The following KCNH1 variants were observed in gnomAD, a reference collection of about 807,000 sequenced individuals.
The protein encoded by KCNH1 is potassium voltage-gated channel subfamily H member 1, also known as voltage-gated delayed rectifier potassium channel KCNH1.
In KCNH1, 27 loss-of-function variants were observed where a neutral mutation model predicts 69.2. That is an observed-to-expected ratio of 0.39 (90% CI 0.29 to 0.54). The LOEUF (loss-of-function observed/expected upper bound fraction) is 0.54, where lower values mean the gene tolerates loss of function less well. Ranked by LOEUF, KCNH1 falls within the 20% of genes least tolerant of loss-of-function variation. The pLI, the probability that KCNH1 is intolerant of heterozygous loss-of-function variation, is 0.68. For synonymous variants in KCNH1, 456 were observed against 487.7 expected (o/e 0.93, Z 0.86); for missense variants, 798 against 1,261.6 (o/e 0.63, Z 5.57).
chr1:210,728,593 G>A (rs1457681824), intron 10 of KCNH1, among the ~76,000 whole-genome samples: 1 of 152,194 alleles, frequency 6.6e-6, no homozygotes, highest in Admixed American at 6.5e-5. Context: ...GGGGACTGCT[G>A]GTTTGAGGTA....
intron 1 of KCNH1, among the ~76,000 whole-genome samples, chr1:211,124,816 G>A (rs1691749804): frequency 6.6e-6 from 1 of 152,192 alleles, no homozygotes; most frequent in Non-Finnish European, 1.5e-5. Context: ...GAAGAAAAGA[G>A]TCCCGATTTA....
At chr1:210,748,935 G>T (rs1683222375) in intron 10 of KCNH1, among the ~76,000 whole-genome samples, 1 of 152,102 alleles carries the variant, frequency 6.6e-6, no homozygotes, top group Non-Finnish European at 1.5e-5. Context: ...ACTGCCCCAG[G>T]CTTTGGCCTT....
chr1:210,796,723 C>T (rs1392292349), intron 9 of KCNH1, among the ~76,000 whole-genome samples: 2 of 152,128 alleles, frequency 1.3e-5, no homozygotes, highest in Admixed American at 1.3e-4. Context: ...TCAACTCCAT[C>T]TGCTTCTCTC....
chr1:210,759,156 GAC>G (rs60773247), intron 10 of KCNH1, among the ~76,000 whole-genome samples: 26 of 148,588 alleles, frequency 1.7e-4, no homozygotes, highest in Admixed American at 4.7e-4. Context: ...CCAAATGATA[GAC>G]ACACACACAC....
At chr1:210,800,407 C>T (rs1574263966) in intron 8 of KCNH1, among the ~76,000 whole-genome samples, 1 of 152,176 alleles carries the variant, frequency 6.6e-6, no homozygotes, top group East Asian at 1.9e-4. Flanking sequence ...GGTGAGTTCA[C>T]CTTTAAATAT....
At chr1:210,935,327 G>T (rs1687758542) in intron 6 of KCNH1, among the ~76,000 whole-genome samples, 1 of 152,114 alleles carries the variant, frequency 6.6e-6, no homozygotes, top group African/African-American at 2.4e-5. Context: ...GTTTCTCATA[G>T]AAGTAGAGAG....
chr1:210,704,991 T>C (rs1681872542), intron 10 of KCNH1, among the ~76,000 whole-genome samples: 1 of 151,892 alleles, frequency 6.6e-6, no homozygotes, highest in Admixed American at 6.6e-5. Flanking sequence ...GAGGGTTGGG[T>C]GGAGGTAGGG....
intron 6 of KCNH1, among the ~76,000 whole-genome samples, chr1:210,948,061 GA>G: frequency 6.7e-6 from 1 of 150,084 alleles, no homozygotes; most frequent in East Asian, 2.0e-4. Context: ...AAAAAAAAAG[GA>G]AAAAATTAGC....
chr1:210,782,936 G>A (rs764158793), intron 9 of KCNH1, among the ~76,000 whole-genome samples: 2 of 152,158 alleles, frequency 1.3e-5, no homozygotes, highest in Admixed American at 1.3e-4. Flanking sequence ...TATAAGCTAC[G>A]CAGTCTATGG....
chr1:210,822,845 C>A (rs562194234), intron 7 of KCNH1, among the ~76,000 whole-genome samples: 1 of 152,318 alleles, frequency 6.6e-6, no homozygotes, highest in East Asian at 1.9e-4. Context: ...TTTGCTTTCA[C>A]TTCTGTCTCA....
At chr1:210,913,713 G>A (rs1687281075) in intron 7 of KCNH1, among the ~76,000 whole-genome samples, 1 of 152,174 alleles carries the variant, frequency 6.6e-6, no homozygotes, top group Non-Finnish European at 1.5e-5. Flanking sequence ...AAGACTATGG[G>A]GAGAAGAAGG....
chr1:210,845,734 T>A (rs888932011), intron 7 of KCNH1, among the ~76,000 whole-genome samples: 33 of 152,156 alleles, frequency 2.2e-4, no homozygotes, highest in African/African-American at 7.7e-4. Context: ...GCCAGGGCAA[T>A]CAGGCAGGAG....
chr1:211,019,496 C>T (rs1281922787), intron 5 of KCNH1, among the ~76,000 whole-genome samples: 1 of 152,210 alleles, frequency 6.6e-6, no homozygotes, highest in African/African-American at 2.4e-5. Context: ...GCACTTTACA[C>T]ACATTTATTC....
intron 7 of KCNH1, among the ~76,000 whole-genome samples, chr1:210,827,386 A>C (rs2102434415): frequency 6.6e-6 from 1 of 152,274 alleles, no homozygotes; most frequent in South Asian, 2.1e-4. Context: ...AAATCCCTTT[A>C]TGACTATGTA....
chr1:210,702,628 G>C (rs1681809433), intron 10 of KCNH1, among the ~76,000 whole-genome samples: 3 of 152,098 alleles, frequency 2.0e-5, no homozygotes, highest in Admixed American at 1.3e-4. Flanking sequence ...TACAGTCACT[G>C]GGTTGCATGA....
At chr1:210,968,021 C>T (rs1688441340) in intron 6 of KCNH1, among the ~76,000 whole-genome samples, 1 of 152,086 alleles carries the variant, frequency 6.6e-6, no homozygotes. Flanking sequence ...CGCCCCCTCC[C>T]ACCACCCCAC....
chr1:210,903,522 AT>A (rs1558518832), intron 7 of KCNH1, among the ~76,000 whole-genome samples: 2 of 152,150 alleles, frequency 1.3e-5, no homozygotes, highest in South Asian at 4.1e-4. Flanking sequence ...AAATAGCAAA[AT>A]TTTTTTCATG....
intron 6 of KCNH1, among the ~76,000 whole-genome samples, chr1:211,011,761 C>T (rs1245888535): frequency 2.0e-5 from 3 of 152,192 alleles, no homozygotes; most frequent in Non-Finnish European, 4.4e-5. Flanking sequence ...ATCATGACTC[C>T]GGTGCGTGTG....
At chr1:210,938,750 T>C (rs1263681609) in intron 6 of KCNH1, among the ~76,000 whole-genome samples, 2 of 152,212 alleles carry the variant, frequency 1.3e-5, no homozygotes, top group South Asian at 2.1e-4. Context: ...AATATCCCAG[T>C]GGGAAGATGA....
Sources: allele counts gnomAD v4.1 joint callset (sites outside exome capture counted in the v4.1 genomes callset), GRCh38; gene constraint gnomAD v4.1.1; transcripts MANE v1.5; gene names NCBI Gene and HGNC (gene_info 2026-07-23, HGNC 2026-07-21).